CERT1: variants seen among roughly 807,000 people sequenced by gnomAD.
The protein encoded by CERT1 is ceramide transfer protein.
CERT1 carries 31 observed loss-of-function variants against 87.9 expected under a neutral mutation model. That is an observed-to-expected ratio of 0.35 (90% CI 0.27 to 0.48). The LOEUF is 0.48. Among genes scored for constraint, CERT1 ranks in the 20% least tolerant of loss-of-function variants. The pLI is 0.99. For synonymous variants in CERT1, 289 were observed against 250.9 expected, an observed-to-expected ratio of 1.15 and a Z score of -1.44; for missense variants, 487 against 758.0, an observed-to-expected ratio of 0.64 and a Z score of 4.20.
chr5:75,434,184 AG>A (rs992101264), intron 3 of CERT1, among the ~76,000 whole-genome samples: 22 of 125,916 alleles, frequency 1.7e-4, no homozygotes, highest in African/African-American at 6.9e-4. Flanking sequence ...TAGTTTGTTG[AG>A]GTTTTTTTTT....
At chr5:75,386,537 C>T (rs1030181813) in intron 12 of CERT1, among the ~76,000 whole-genome samples, 1 of 152,156 alleles carries the variant, frequency 6.6e-6, no homozygotes, top group African/African-American at 2.4e-5. Flanking sequence ...GCTTTAAATA[C>T]TGAGGTTACA....
rs574178461 is a variant in CERT1, at chr5:75,478,946, C to T, written c.232-19765G>A. ...AAAAAAAAAAAAAAAAAAAGCCACA[C>T]GCGTTTGTCAAAAGGACCAAGAAAT... is the stretch of plus-strand genomic sequence containing the variant. On this transcript the variant is annotated intron_variant, in intron 2 of 16. Transcript: ENST00000643780. Among the ~76,000 whole-genome samples, 33 of 125,502 alleles carry T rather than the reference C, an allele frequency of 2.6e-4. No individual in the cohort carries two copies. In the East Asian group the frequency reaches 5.8e-3, roughly 22 times the overall value. The allele number at this position is 125,502 out of a possible 152,430, so 82.3% of individuals were successfully genotyped here.
At chr5:75,404,273 C>T (rs73763094) in intron 8 of CERT1, among the ~76,000 whole-genome samples, 11,042 of 145,662 alleles carry the variant, frequency 0.076, 497 homozygotes, top group South Asian at 0.17. Context: ...AGGACTCAGT[C>T]CCCTACAACC....
At chr5:75,393,602 T>TGAAAAAAAAAAAAAAAAAAAAAAAAAA (rs1179766169) in intron 11 of CERT1, among the ~76,000 whole-genome samples, 1 of 32,770 alleles carries the variant, frequency 3.1e-5, no homozygotes, top group Non-Finnish European at 5.8e-5. Flanking sequence ...CTCATCTACT[T>TGAAAAAAAAAAAAAAAAAAAAAAAAAA]AAAAAAAAAA....
chr5:75,483,773 C>T (rs1766370528), intron 2 of CERT1, among the ~76,000 whole-genome samples: 1 of 151,590 alleles, frequency 6.6e-6, no homozygotes, highest in Non-Finnish European at 1.5e-5. Context: ...AAGACTTTCA[C>T]AGAAAAACAA....
chr5:75,473,766 T>C (rs1382883234), intron 2 of CERT1, among the ~76,000 whole-genome samples: 1 of 152,202 alleles, frequency 6.6e-6, no homozygotes, highest in East Asian at 1.9e-4. Context: ...TGTGAGGTAA[T>C]ATATTTGTTA....
intron 3 of CERT1, among the ~76,000 whole-genome samples, chr5:75,440,623 C>T (rs928938884): frequency 6.6e-6 from 1 of 152,058 alleles, no homozygotes; most frequent in African/African-American, 2.4e-5. Flanking sequence ...GCTAAAGTGA[C>T]ATGAAGCTGG....
chr5:75,434,791 TA>T (rs1764020480), intron 3 of CERT1, among the ~76,000 whole-genome samples: 1 of 152,150 alleles, frequency 6.6e-6, no homozygotes, highest in South Asian at 2.1e-4. Context: ...CAGAGGTTTT[TA>T]ATCTCTGAGG....
chr5:75,404,338 A>G (rs929123366), intron 8 of CERT1, among the ~76,000 whole-genome samples: 22 of 152,022 alleles, frequency 1.4e-4, no homozygotes, highest in African/African-American at 5.3e-4. Flanking sequence ...AGATACAACA[A>G]ACATACAGAA....
chr5:75,472,556 G>C (rs1765762778), intron 2 of CERT1, among the ~76,000 whole-genome samples: 1 of 152,072 alleles, frequency 6.6e-6, no homozygotes, highest in Non-Finnish European at 1.5e-5. Flanking sequence ...AAAATATCAG[G>C]AACTCAACTC....
At chr5:75,480,549 C>T (rs558866732) in intron 2 of CERT1, among the ~76,000 whole-genome samples, 23 of 152,226 alleles carry the variant, frequency 1.5e-4, no homozygotes, top group South Asian at 6.2e-4. Flanking sequence ...ACGTAATATA[C>T]GCATACGTGT....
At chr5:75,410,628 TCA>T (rs1275829006) in intron 8 of CERT1, 1 of 145,984 alleles carries the variant, frequency 6.9e-6, no homozygotes, top group Non-Finnish European at 1.5e-5. Context: ...AAAAAAGATC[TCA>T]CAGTATAGTA....
chr5:75,509,758 C>T (rs1387596664), intron 1 of CERT1, among the ~76,000 whole-genome samples: 2 of 152,180 alleles, frequency 1.3e-5, no homozygotes, highest in Non-Finnish European at 2.9e-5. Flanking sequence ...ACCAAAATCA[C>T]TGAGAAGCAA....
chr5:75,496,678 G>A (rs1767085270), intron 2 of CERT1, among the ~76,000 whole-genome samples: 2 of 152,198 alleles, frequency 1.3e-5, no homozygotes, highest in Admixed American at 6.5e-5. Context: ...ACAACATGAT[G>A]AGTAGTAAAA....
At chr5:75,480,512 C>T (rs561953819) in intron 2 of CERT1, among the ~76,000 whole-genome samples, 4 of 152,294 alleles carry the variant, frequency 2.6e-5, no homozygotes, top group South Asian at 2.1e-4. Context: ...AAGAATCAAA[C>T]GATAAACTCA....
At chr5:75,380,337 T>C (rs1047906011) in intron 16 of CERT1, among the ~76,000 whole-genome samples, 3 of 152,186 alleles carry the variant, frequency 2.0e-5, no homozygotes, top group Non-Finnish European at 2.9e-5. Flanking sequence ...GAAATAAATA[T>C]GTAACTAGCA....
At chr5:75,495,647 A>G (rs142893711) in intron 2 of CERT1, among the ~76,000 whole-genome samples, 1 of 152,332 alleles carries the variant, frequency 6.6e-6, no homozygotes, top group Non-Finnish European at 1.5e-5. Flanking sequence ...TGGTGAATGC[A>G]CTACTTAACG....
chr5:75,389,655 G>A lies in CERT1; in HGVS notation c.1221C>T (p.Tyr407=), dbSNP rs199801228. The A allele has an allele frequency of 3.4e-5, 55 of 1,614,028 alleles. 1 individual carries two copies. Among genetic ancestry groups the A allele is most frequent in the Non-Finnish European group, 8.5e-7 (1 of 1,179,964 alleles). Residue 407 remains tyrosine (Y), a synonymous_variant, in exon 12 of 17, where the codon TAC becomes TAT. Transcript: ENST00000643780. ...VEEMVQNHMT[Y]SLQDVGGDAN... is the part of the protein sequence containing the mutation. ...CATCTCCGCCTACATCCTGTAATGA[G>A]TAAGTCATGTGGTTCTGCACCATCT...
chr5:75,477,564 C>G (rs1331293558), intron 2 of CERT1, among the ~76,000 whole-genome samples: 1 of 149,972 alleles, frequency 6.7e-6, no homozygotes, highest in Non-Finnish European at 1.5e-5. Context: ...TATTGCTTAC[C>G]CTCATGTCCC....
Sources: gnomAD v4.1 joint callset for allele counts (sites outside exome capture counted in the v4.1 genomes callset) on GRCh38, gnomAD v4.1.1 for gene constraint, MANE v1.5 for transcripts, NCBI Gene and HGNC (gene_info 2026-07-23, HGNC 2026-07-21) for gene names.